Variants in KCNB2 observed in about 807,000 individuals in gnomAD.
KCNB2 encodes delayed rectifier potassium channel protein.
Under a neutral mutation model 61.5 loss-of-function variants are expected in KCNB2, and 15 were observed. The observed-to-expected ratio is 0.24, with a 90% CI of 0.16 to 0.38. The LOEUF (loss-of-function observed/expected upper bound fraction) is 0.38. Ranked by LOEUF, KCNB2 falls within the 10% of genes least tolerant of loss-of-function variation. The pLI is 1.00. For synonymous variants in KCNB2, 457 were observed against 446.0 expected (o/e 1.02, Z -0.31); for missense variants, 828 against 1,125.2 (o/e 0.74, Z 3.78).
intron 2 of KCNB2, among the ~76,000 whole-genome samples, chr8:72,777,402 A>G (rs1808673895): frequency 2.6e-5 from 4 of 152,150 alleles, no homozygotes. Flanking sequence ...GAAATGATAG[A>G]GACTGTGAGA....
chr8:72,936,100 C>T lies in KCNB2; in HGVS notation c.745C>T (p.Leu249Phe), dbSNP rs1328034791. 1.2e-6 allele frequency: 2 copies of T among 1,614,186 alleles called. No individual in the cohort carries two copies. Among genetic ancestry groups the T allele is most frequent in the Non-Finnish European group, 8.5e-7 (1 of 1,180,026 alleles). ...VCIAWFTMEY[L>F]LRFLSSPNKW... ...TATTGCATGGTTTACCATGGAGTAC[C>T]TTTTGCGATTCTTATCCTCACCAAA... Residue 249 changes from leucine to phenylalanine, a missense_variant, in exon 3 of 3, where the codon CTT (leucine) becomes TTT (phenylalanine). Around this residue, in one of 4 missense-constraint regions of KCNB2, gnomAD observed 163 missense variants for 314.4 expected, o/e 0.52. Transcript: ENST00000523207. This position sits in a 1 kb window ranked among gnomAD's most constrained non-coding sequence, Gnocchi z 5.6.
intron 2 of KCNB2, among the ~76,000 whole-genome samples, chr8:72,719,341 C>A (rs367789284): frequency 1.3e-5 from 2 of 152,148 alleles, no homozygotes; most frequent in East Asian, 1.9e-4. Flanking sequence ...TGGCCCTGCT[C>A]TCTTAGTCTC....
chr8:72,710,727 A>T (rs1807313124), intron 2 of KCNB2, among the ~76,000 whole-genome samples: 2 of 152,210 alleles, frequency 1.3e-5, no homozygotes, highest in South Asian at 4.1e-4. Context: ...TTGGTTAGAT[A>T]CAAAGAAAAA....
At chr8:72,644,740 C>T (rs1231633344) in intron 2 of KCNB2, among the ~76,000 whole-genome samples, 5 of 152,268 alleles carry the variant, frequency 3.3e-5, no homozygotes, top group African/African-American at 4.8e-5. Flanking sequence ...TTTCCCTGTG[C>T]CAGGTAGTTA....
intron 2 of KCNB2, among the ~76,000 whole-genome samples, chr8:72,601,066 CTG>C (rs1398476427): frequency 6.6e-6 from 1 of 151,166 alleles, no homozygotes; most frequent in African/African-American, 2.4e-5. Context: ...GGTCTTAAGA[CTG>C]TATTGCTACC....
intron 2 of KCNB2, among the ~76,000 whole-genome samples, chr8:72,907,772 C>A (rs917246200): frequency 3.1e-4 from 47 of 152,272 alleles, no homozygotes; most frequent in African/African-American, 1.1e-3. Flanking sequence ...TCAGAGGTAG[C>A]TGAAGGTGGC....
chr8:72,936,903 C>G lies in KCNB2; in HGVS notation c.1548C>G (p.Ser516Arg), dbSNP rs950522472. 1 of 1,614,096 alleles carries G rather than the reference C, an allele frequency of 6.2e-7. No homozygotes were observed. Among genetic ancestry groups the G allele is most frequent in the Non-Finnish European group, 8.5e-7 (1 of 1,180,010 alleles). Residue 516 changes from serine (S) to arginine (R), a missense_variant, in exon 3 of 3, where the codon AGC (serine) becomes AGG (arginine). Coordinates refer to ENST00000523207, the MANE Select transcript of KCNB2 (RefSeq NM_004770.3). This position sits in a 1 kb window ranked among gnomAD's most constrained non-coding sequence, Gnocchi z 5.6. ...KSFENKYQEV[S>R]QKDSHEQLNN... Reference sequence around the variant, plus strand: ...TCGAGAATAAGTACCAGGAGGTTAGCCAAAAAGACTCCCACGAGCAGCTGA... The same window carrying G: ...TCGAGAATAAGTACCAGGAGGTTAGGCAAAAAGACTCCCACGAGCAGCTGA...
At chr8:72,926,108 G>C (rs1417232839) in intron 2 of KCNB2, among the ~76,000 whole-genome samples, 1 of 152,158 alleles carries the variant, frequency 6.6e-6, no homozygotes, top group South Asian at 2.1e-4. Flanking sequence ...CTGGGGGTTG[G>C]GGGAGGGAGA....
At chr8:72,681,211 C>CA (rs1454076605) in intron 2 of KCNB2, among the ~76,000 whole-genome samples, 1 of 151,770 alleles carries the variant, frequency 6.6e-6, no homozygotes, top group Non-Finnish European at 1.5e-5. Context: ...CTTGAAGAAA[C>CA]AGTGTAACAA....
intron 2 of KCNB2, among the ~76,000 whole-genome samples, chr8:72,655,696 A>G (rs141330233): frequency 3.9e-5 from 6 of 152,312 alleles, no homozygotes; most frequent in African/African-American, 7.2e-5. Flanking sequence ...TTCTGCTGGT[A>G]TATGTAATAT....
At chr8:72,555,535 A>C (rs1198450193) in intron 1 of KCNB2, among the ~76,000 whole-genome samples, 1 of 151,872 alleles carries the variant, frequency 6.6e-6, no homozygotes, top group Non-Finnish European at 1.5e-5. Flanking sequence ...GCAGCTTGCA[A>C]AGCTGAAAAA....
At chr8:72,932,986 T>G (rs1806820971) in intron 2 of KCNB2, among the ~76,000 whole-genome samples, 1 of 152,214 alleles carries the variant, frequency 6.6e-6, no homozygotes, top group South Asian at 2.1e-4. Flanking sequence ...AAATAAGTCC[T>G]TCCTCTAAAT....
chr8:72,586,010 T>C (rs1055851872), intron 2 of KCNB2, among the ~76,000 whole-genome samples: 1 of 152,242 alleles, frequency 6.6e-6, no homozygotes, highest in South Asian at 2.1e-4. Flanking sequence ...TCTTTCACTC[T>C]AAGTAGACTC....
chr8:72,930,592 C>G (rs906460043), intron 2 of KCNB2, among the ~76,000 whole-genome samples: 10 of 152,298 alleles, frequency 6.6e-5, no homozygotes, highest in African/African-American at 2.4e-4. Flanking sequence ...GCATAAATGT[C>G]TTCTTTTGAG....
At chr8:72,851,315 G>C (rs763328037) in intron 2 of KCNB2, among the ~76,000 whole-genome samples, 1 of 68,684 alleles carries the variant, frequency 1.5e-5, no homozygotes, top group African/African-American at 4.6e-5. Flanking sequence ...TAGGAGAGAC[G>C]AGTTGTAGCA....
intron 1 of KCNB2, among the ~76,000 whole-genome samples, chr8:72,540,706 C>T (rs1423274521): frequency 6.6e-6 from 1 of 152,114 alleles, no homozygotes; most frequent in African/African-American, 2.4e-5. Context: ...CCCACCAACT[C>T]TTTACTGCAA....
chr8:72,806,222 G>A (rs1212090946), intron 2 of KCNB2, among the ~76,000 whole-genome samples: 1 of 152,068 alleles, frequency 6.6e-6, no homozygotes, highest in African/African-American at 2.4e-5. Flanking sequence ...GCCGGGCATG[G>A]TGGTGCGTGC....
chr8:72,669,224 T>A (rs1806524771), intron 2 of KCNB2, among the ~76,000 whole-genome samples: 1 of 152,222 alleles, frequency 6.6e-6, no homozygotes, highest in Non-Finnish European at 1.5e-5. Context: ...AGATCCATTA[T>A]GATCCTTTGA....
chr8:72,632,100 G>T (rs532797933), intron 2 of KCNB2, among the ~76,000 whole-genome samples: 1 of 151,846 alleles, frequency 6.6e-6, no homozygotes, highest in African/African-American at 2.4e-5. Flanking sequence ...TTTTAAATTA[G>T]CTGGATGTGA....
Sources: gnomAD v4.1 joint callset for allele counts (sites outside exome capture counted in the v4.1 genomes callset) on GRCh38, gnomAD v4.1.1 for gene constraint, gnomAD v4.1.1 regional missense constraint, Gnocchi (gnomAD v3.1) non-coding constraint, MANE v1.5 for transcripts, NCBI Gene and HGNC (gene_info 2026-07-23, HGNC 2026-07-21) for gene names.